The following SPINK9 variants were observed in gnomAD, a reference collection of about 807,000 sequenced individuals.
The protein encoded by SPINK9 is serine peptidase inhibitor Kazal type 9, also known as serine protease inhibitor Kazal-type 9.
In SPINK9, 3 loss-of-function variants were observed where a neutral mutation model predicts 10.8. The ratio of observed to expected loss-of-function variants is 0.28; its 90% CI spans 0.13 to 0.72. The LOEUF (loss-of-function observed/expected upper bound fraction) is 0.72. Ranked by LOEUF, SPINK9 falls within the 30% of genes least tolerant of loss-of-function variation. The pLI is 0.74. For missense variants in SPINK9, 101 were observed against 103.2 expected (o/e 0.98, Z 0.09); for synonymous variants, 30 against 31.2 (o/e 0.96, Z 0.12).
chr5:148,331,442 G>T (rs1757148355), upstream of SPINK9, among the ~76,000 whole-genome samples: 1 of 152,212 alleles, frequency 6.6e-6, no homozygotes, highest in Non-Finnish European at 1.5e-5. Flanking sequence ...TAGTAGGAGA[G>T]AGTAGAATGG....
chr5:148,330,069 T>C (rs2113416264), intron 2 of SPINK9, among the ~76,000 whole-genome samples: 1 of 152,308 alleles, frequency 6.6e-6, no homozygotes, highest in East Asian at 1.9e-4. Flanking sequence ...TTTTTAACTT[T>C]CTGTCTCGTT....
chr5:148,323,904 A>G (rs757669673), intron 2 of SPINK9: 27 of 677,904 alleles, frequency 4.0e-5, no homozygotes, highest in Non-Finnish European at 6.9e-5. Flanking sequence ...ATGTGTATCT[A>G]AAGTATTTCT....
At chr5:148,336,225 C>T (rs1283766998) in intron 1 of SPINK9, among the ~76,000 whole-genome samples, 197 bp from the exon 2 acceptor site, 1 of 152,092 alleles carries the variant, frequency 6.6e-6, no homozygotes, top group East Asian at 1.9e-4. Flanking sequence ...ATTCCACTCC[C>T]ACTCCAAAAA....
At chr5:148,339,396 A>G (rs1757260174) in intron 3 of SPINK9, among the ~76,000 whole-genome samples, 1 of 152,094 alleles carries the variant, frequency 6.6e-6, no homozygotes, top group Admixed American at 6.6e-5. Flanking sequence ...ATTTTTATGA[A>G]AAGAGACTTC....
chr5:148,330,085 G>T (rs1349728146), intron 2 of SPINK9, among the ~76,000 whole-genome samples: 1 of 152,134 alleles, frequency 6.6e-6, no homozygotes, highest in East Asian at 1.9e-4. Flanking sequence ...TCGTTGATCT[G>T]TCTAATGTTG....
chr5:148,326,084 G>A (rs1017854734), intron 2 of SPINK9, among the ~76,000 whole-genome samples: 28 of 152,128 alleles, frequency 1.8e-4, no homozygotes, highest in African/African-American at 6.8e-4. Context: ...ATTGGGACAA[G>A]GACCTGAATA....
chr5:148,326,782 C>T (rs1329970562), intron 2 of SPINK9, among the ~76,000 whole-genome samples: 15 of 151,540 alleles, frequency 9.9e-5, no homozygotes, highest in South Asian at 6.2e-4. Flanking sequence ...TTTGTCCTTG[C>T]GACAGTTTGC....
chr5:148,339,649 G>C lies in SPINK9; in HGVS notation c.216-18G>C. On this transcript the variant is annotated intron_variant, in intron 3 of 3. Coordinates refer to ENST00000377906, the MANE Select transcript of SPINK9 (RefSeq NM_001040433.2). ...ATGGGCTCAGCATTTCTCATTTGTT[G>C]CTATATTCTCTCCACAGGAAAACTG... 1 of 1,610,338 alleles carries C rather than the reference G, an allele frequency of 6.2e-7. No individual in the cohort carries two copies. Among genetic ancestry groups the C allele is most frequent in the Non-Finnish European group, 8.5e-7 (1 of 1,177,404 alleles).
chr5:148,325,753 A>G (rs1357347478), intron 2 of SPINK9, among the ~76,000 whole-genome samples: 1 of 152,140 alleles, frequency 6.6e-6, no homozygotes, highest in African/African-American at 2.4e-5. Flanking sequence ...TTTACCTATT[A>G]TATCTTTTGT....
chr5:148,323,606 C>T, intron 1 of SPINK9: 3 of 500,426 alleles, frequency 6.0e-6, no homozygotes, highest in South Asian at 3.3e-5. Flanking sequence ...AAATCATTCC[C>T]ACATGGGAAG....
chr5:148,323,795 T>A (rs1266532071), exon 2 of SPINK9: 1 of 701,274 alleles, frequency 1.4e-6, no homozygotes, highest in Admixed American at 2.0e-5. Flanking sequence ...ATTATAAAAC[T>A]CCACCAAGCA....
chr5:148,336,543 G>T, intron 2 of SPINK9, 90 bp downstream of exon 2: 1 of 1,338,690 alleles, frequency 7.5e-7, no homozygotes. Flanking sequence ...ATTTCTATAT[G>T]TTTGAATATT....
intron 1 of SPINK9, among the ~76,000 whole-genome samples, chr5:148,321,872 A>G (rs1751671290): frequency 6.6e-6 from 1 of 152,204 alleles, no homozygotes; most frequent in African/African-American, 2.4e-5. Context: ...TTTTATATTG[A>G]GTATTTCCTC....
rs1470173146 is a variant in SPINK9 at position 148,328,212 on chromosome 5, G to T, written c.118+4344G>T. Among the ~76,000 whole-genome samples the T allele has an allele frequency of 2.0e-5, 3 of 152,188 alleles. No homozygotes were observed. In the East Asian group the frequency reaches 5.8e-4, roughly 29 times the overall value. The stretch of plus-strand genomic sequence containing the variant: ...AGTGGTTTGTAGTTCTCCTTGAAGA[G>T]GTCCTTCACATCCCTTGTAAGTTGG... On this transcript the variant is annotated intron_variant, in intron 2 of 4. Transcript: ENST00000511717.
chr5:148,337,199 A>C (rs1346629294), intron 2 of SPINK9, among the ~76,000 whole-genome samples: 1 of 152,144 alleles, frequency 6.6e-6, no homozygotes, highest in Non-Finnish European at 1.5e-5. Context: ...CACATTGTTG[A>C]GTATCACATA....
intron 1 of SPINK9, among the ~76,000 whole-genome samples, chr5:148,322,934 A>G (rs1757015326): frequency 6.6e-6 from 1 of 152,168 alleles, no homozygotes; most frequent in Non-Finnish European, 1.5e-5. Context: ...TCTGAAATTG[A>G]AGTCTAGATT....
chr5:148,339,652 A>C lies in SPINK9; in HGVS notation c.216-15A>C, dbSNP rs1321552767. 1 of 1,611,314 alleles carries C rather than the reference A, an allele frequency of 6.2e-7. No individual in the cohort carries two copies. Among genetic ancestry groups the C allele is most frequent in the Non-Finnish European group, 8.5e-7 (1 of 1,178,270 alleles). ...GGCTCAGCATTTCTCATTTGTTGCT[A>C]TATTCTCTCCACAGGAAAACTGACG... On this transcript the variant is annotated splice_polypyrimidine_tract_variant and intron_variant, in intron 3 of 3. Transcript: ENST00000377906.
At chr5:148,330,084 T>C (rs895160903) in intron 2 of SPINK9, among the ~76,000 whole-genome samples, 4 of 152,242 alleles carry the variant, frequency 2.6e-5, no homozygotes, top group Admixed American at 2.6e-4. Context: ...CTCGTTGATC[T>C]GTCTAATGTT....
At chr5:148,323,347 C>T (rs1470391372) in intron 1 of SPINK9, among the ~76,000 whole-genome samples, 1 of 151,914 alleles carries the variant, frequency 6.6e-6, no homozygotes, top group Non-Finnish European at 1.5e-5. Flanking sequence ...CTTTTTTCCT[C>T]CATAGGTGGG....
Sources: allele counts gnomAD v4.1 joint callset (sites outside exome capture counted in the v4.1 genomes callset), GRCh38; gene constraint gnomAD v4.1.1; transcripts MANE v1.5; gene names NCBI Gene and HGNC (gene_info 2026-07-23, HGNC 2026-07-21).